The following FNDC7 variants were observed in gnomAD, a reference collection of about 807,000 sequenced individuals.
FNDC7 encodes the protein fibronectin type III domain containing 7, also known as fibronectin type III domain-containing protein 7.
In FNDC7, 66 loss-of-function variants were observed where a neutral mutation model predicts 74.2. That is an observed-to-expected ratio of 0.89 (90% confidence interval 0.73 to 1.09). The LOEUF is 1.09. FNDC7 is among the 50% of genes least tolerant of loss of function. The pLI is 0.00. For missense variants in FNDC7, 829 were observed against 893.4 expected (o/e 0.93, Z 0.92); for synonymous variants, 307 against 330.2 (o/e 0.93, Z 0.76).
chr1:108,730,854 A>AT lies in FNDC7; in HGVS notation c.1807dup (p.Tyr603LeufsTer9), dbSNP rs764356632. On this transcript the variant is annotated frameshift_variant, in exon 9 of 13. Coordinates refer to ENST00000370017, the MANE Select transcript of FNDC7 (RefSeq NM_001144937.3). LOFTEE classifies it high-confidence loss of function. ...CTAGGATGCATCACATGTGGCATCA[A>AT]TTACACAGTGACATTAAAAGCAATT... The AT allele has an allele frequency of 6.2e-7, 1 of 1,613,958 alleles. No homozygotes were observed. The highest frequency in any genetic ancestry group is 1.3e-5 in the African/African-American group (1 of 74,920).
rs896276132 is a variant in FNDC7 at position 108,712,964 on chromosome 1, T to G, written c.31T>G (p.Leu11Val). 2.6e-6 allele frequency: 4 copies of G among 1,551,600 alleles called. No individual in the cohort carries two copies. In the African/African-American group the frequency reaches 5.5e-5, roughly 21 times the overall value. The change falls in exon 1 of 13, where the codon TTG (leucine) becomes GTG (valine). Residue 11 changes from leucine to valine, a missense_variant. Transcript: ENST00000370017. MAGGRETCLPLIGFILICLKM... is the reference protein window; with the variant it reads MAGGRETCLPVIGFILICLKM... ...TGGTGGACGAGAGACATGTTTGCCT[T>G]TGATTGGATTCATTCTTATCTGTCT...
intron 2 of FNDC7, among the ~76,000 whole-genome samples, chr1:108,717,536 C>G (rs1387342053): frequency 1.3e-5 from 2 of 152,194 alleles, no homozygotes; most frequent in Non-Finnish European, 2.9e-5. Flanking sequence ...CAAATTACCC[C>G]ACAGGCAATT....
intron 9 of FNDC7, 101 bp from the exon 10 acceptor site, chr1:108,733,171 G>A: frequency 1.4e-6 from 2 of 1,400,978 alleles, no homozygotes; most frequent in South Asian, 2.6e-5. Flanking sequence ...CTGTTACTTA[G>A]ACTAGTTTGC....
chr1:108,722,053 G>A (rs2101079791), intron 4 of FNDC7, among the ~76,000 whole-genome samples: 1 of 152,116 alleles, frequency 6.6e-6, no homozygotes, highest in Non-Finnish European at 1.5e-5. Context: ...ATAGGTGTTA[G>A]GCATGGATCT....
intron 11 of FNDC7, among the ~76,000 whole-genome samples, chr1:108,739,299 C>A (rs186588733): frequency 1.3e-5 from 2 of 152,064 alleles, no homozygotes; most frequent in Admixed American, 1.3e-4. Flanking sequence ...GAGTTGGAGA[C>A]CAGCCTGGCC....
At chr1:108,740,617 C>T (rs574924162) in intron 11 of FNDC7, among the ~76,000 whole-genome samples, 1 of 152,192 alleles carries the variant, frequency 6.6e-6, no homozygotes, top group Non-Finnish European at 1.5e-5. Flanking sequence ...CGTGAGCCAC[C>T]GCACCGGCCA....
At chr1:108,741,653 T>G in intron 11 of FNDC7, 120 bp from the exon 12 acceptor site, 1 of 1,002,744 alleles carries the variant, frequency 1.0e-6, no homozygotes, top group Non-Finnish European at 1.5e-6. Flanking sequence ...TGCCGTGAAG[T>G]GCTGCAAAAA....
intron 4 of FNDC7, among the ~76,000 whole-genome samples, chr1:108,721,199 G>A (rs936639362): frequency 1.3e-5 from 2 of 152,230 alleles, no homozygotes; most frequent in Non-Finnish European, 2.9e-5. Context: ...GCCGGGCACG[G>A]TAGCTCACGC....
chr1:108,741,440 G>A (rs1199102541), intron 11 of FNDC7, among the ~76,000 whole-genome samples: 2 of 152,188 alleles, frequency 1.3e-5, no homozygotes, highest in African/African-American at 4.8e-5. Context: ...AACTCCCTGA[G>A]TCATTAAAAT....
intron 8 of FNDC7, among the ~76,000 whole-genome samples, chr1:108,729,484 G>T (rs1392812047): frequency 6.6e-6 from 1 of 151,862 alleles, no homozygotes; most frequent in African/African-American, 2.4e-5. Flanking sequence ...AGCAAGCGGA[G>T]CTTGCAGTGA....
At chr1:108,729,533 A>G (rs1395729870) in intron 8 of FNDC7, among the ~76,000 whole-genome samples, 1 of 149,894 alleles carries the variant, frequency 6.7e-6, no homozygotes, top group African/African-American at 2.5e-5. Context: ...TGGGCAATAG[A>G]GTGAGATTCC....
intron 9 of FNDC7, among the ~76,000 whole-genome samples, chr1:108,732,581 C>T (rs1212473996): frequency 6.6e-6 from 1 of 152,172 alleles, no homozygotes; most frequent in Non-Finnish European, 1.5e-5. Flanking sequence ...GCCTTTGACT[C>T]ACAGTTTGAA....
chr1:108,736,535 A>G (rs962602631), intron 10 of FNDC7, among the ~76,000 whole-genome samples: 2 of 152,220 alleles, frequency 1.3e-5, no homozygotes, highest in African/African-American at 2.4e-5. Context: ...GAATCAATGA[A>G]TATACAGCTA....
chr1:108,735,792 T>A (rs989539013), intron 10 of FNDC7, among the ~76,000 whole-genome samples: 86 of 152,200 alleles, frequency 5.7e-4, no homozygotes, highest in African/African-American at 1.6e-3. Context: ...AAATTGTTTT[T>A]TTTTGTGGGG....
rs1326313180 is a variant in FNDC7, at chr1:108,730,849, C to T, written c.1800C>T (p.Gly600=). Residue 600 remains glycine (G), a synonymous_variant, in exon 9 of 13, where the codon GGC becomes GGT. Coordinates refer to ENST00000370017, the MANE Select transcript of FNDC7 (RefSeq NM_001144937.3). ...GCCTCCTAGGATGCATCACATGTGG[C>T]ATCAATTACACAGTGACATTAAAAG... ...NHCLLGCITC[G]INYTVTLKAI... 1.9e-6 allele frequency: 3 copies of T among 1,613,938 alleles called. No individual in the cohort carries two copies. Among genetic ancestry groups the T allele is most frequent in the African/African-American group, 1.3e-5 (1 of 74,914 alleles).
At chr1:108,718,739 T>C (rs1249061995) in intron 3 of FNDC7, 50 bp from the exon 4 acceptor site, 3 of 1,529,958 alleles carry the variant, frequency 2.0e-6, no homozygotes, top group Non-Finnish European at 8.8e-7. Context: ...ATTTGAATTA[T>C]CCTCTATTGG....
At chr1:108,717,491 A>G (rs1660999000) in intron 2 of FNDC7, among the ~76,000 whole-genome samples, 1 of 152,188 alleles carries the variant, frequency 6.6e-6, no homozygotes, top group Admixed American at 6.5e-5. Flanking sequence ...ATTACTTCTC[A>G]TTCTTATTTA....
At chr1:108,736,692 T>C (rs1406519030) in intron 10 of FNDC7, among the ~76,000 whole-genome samples, 1 of 152,196 alleles carries the variant, frequency 6.6e-6, no homozygotes, top group Admixed American at 6.5e-5. Flanking sequence ...ATCTCAAGCC[T>C]GTAGCCATTT....
intron 8 of FNDC7, among the ~76,000 whole-genome samples, chr1:108,729,172 T>A (rs1661286781): frequency 6.6e-6 from 1 of 152,238 alleles, no homozygotes; most frequent in Non-Finnish European, 1.5e-5. Flanking sequence ...ATATAATCTA[T>A]CGAAACAGCT....
Sources: allele counts gnomAD v4.1 joint callset (sites outside exome capture counted in the v4.1 genomes callset), GRCh38; gene constraint gnomAD v4.1.1; transcripts MANE v1.5; gene names NCBI Gene and HGNC (gene_info 2026-07-23, HGNC 2026-07-21).